SHROOM3: variants seen among roughly 807,000 people sequenced by gnomAD.
The protein encoded by SHROOM3 is shroom family member 3.
In SHROOM3, 47 loss-of-function variants were observed where a neutral mutation model predicts 138.6. The observed-to-expected ratio is 0.34, with a 90% confidence interval of 0.27 to 0.43. The LOEUF (loss-of-function observed/expected upper bound fraction) is 0.43, where lower values mean the gene tolerates loss of function less well. SHROOM3 is among the 20% of genes least tolerant of loss of function. SHROOM3 has a pLI of 1.00. For synonymous variants in SHROOM3, 1,062 were observed against 1,063.3 expected (o/e 1.00, Z 0.02); for missense variants, 2,491 against 2,596.5 (o/e 0.96, Z 0.88).
chr4:76,633,347 A>AG (rs1735385278), intron 2 of SHROOM3, among the ~76,000 whole-genome samples: 1 of 150,312 alleles, frequency 6.7e-6, no homozygotes, highest in African/African-American at 2.5e-5. Context: ...AAAAAAAAAA[A>AG]AAAAAAGAAA....
intron 5 of SHROOM3, among the ~76,000 whole-genome samples, chr4:76,748,036 T>C (rs534756939): frequency 6.6e-6 from 1 of 152,372 alleles, no homozygotes; most frequent in East Asian, 1.9e-4. Context: ...ATATAATTTG[T>C]TGGTGCAAGG....
In SHROOM3 at chr4:76,480,793, A is replaced by G. The variant is rs1297563613; in HGVS notation, c.168+44573A>G. ...ATCATAACAAACAATCTCTCAGACC[A>G]TAGTGCAATCAAACTAGAACTCAGG... On this transcript the variant is annotated intron_variant, in intron 1 of 10. Transcript: ENST00000296043. Among the ~76,000 whole-genome samples the G allele has an allele frequency of 3.3e-5, 5 of 152,248 alleles. 1 individual carries two copies. Among genetic ancestry groups the G allele is most frequent in the Admixed American group, 2.6e-4 (4 of 15,284 alleles).
intron 1 of SHROOM3, among the ~76,000 whole-genome samples, chr4:76,551,876 T>C (rs1733360892): frequency 6.6e-6 from 1 of 151,730 alleles, no homozygotes; most frequent in Admixed American, 6.6e-5. Flanking sequence ...TATTATTTTT[T>C]TTTGAGACAG....
intron 1 of SHROOM3, among the ~76,000 whole-genome samples, chr4:76,447,229 G>T (rs1256667080): frequency 6.6e-6 from 1 of 152,150 alleles, no homozygotes; most frequent in Admixed American, 6.5e-5. Context: ...GTGGAAATAA[G>T]CATTCTTCAG....
At chr4:76,598,951 T>C (rs10428497) in intron 2 of SHROOM3, among the ~76,000 whole-genome samples, 27,713 of 151,810 alleles carry the variant, frequency 0.18, 2,700 homozygotes, top group East Asian at 0.27. Context: ...CTGCTCCAGG[T>C]GAAAAATAAT....
At chr4:76,753,662 T>A (rs1721705215) in intron 6 of SHROOM3, among the ~76,000 whole-genome samples, 2 of 152,230 alleles carry the variant, frequency 1.3e-5, no homozygotes, top group Non-Finnish European at 1.5e-5. Flanking sequence ...GAGTCTAGCG[T>A]ACAGTTGTTT....
chr4:76,740,995 T>G lies in SHROOM3; in HGVS notation c.2822T>G (p.Phe941Cys). Residue 941 changes from phenylalanine (F) to cysteine (C), a missense_variant, in exon 5 of 11, where the codon TTT (phenylalanine) becomes TGT (cysteine). Physicochemically the swap from Phe to Cys is radical, Grantham distance 205. Around this residue, in one of 4 missense-constraint regions of SHROOM3, gnomAD observed 1,733 missense variants for 1,661.6 expected, o/e 1.04. Coordinates refer to ENST00000296043, the MANE Select transcript of SHROOM3 (RefSeq NM_020859.4). This position sits in a 1 kb window ranked among gnomAD's most constrained non-coding sequence, Gnocchi z 4.0. The stretch of plus-strand genomic sequence containing the variant: ...TCCCGTGTCTTGGGGGCCACCTCCT[T>G]TCGACGTCGAGACCTGGAGCTGGGG... ...AQSRVLGATS[F>C]RRRDLELGAP... is the part of the protein sequence containing the mutation. 1 of 1,489,064 alleles carries G rather than the reference T, an allele frequency of 6.7e-7. No homozygotes were observed. The highest frequency in any genetic ancestry group is 8.9e-7 in the Non-Finnish European group (1 of 1,123,514). The allele number at this position is 1,489,064 out of a possible 1,614,324, so 92.2% of individuals were successfully genotyped here. A position where few individuals can be genotyped will look rare whatever the true frequency, so the allele number is the denominator to read the frequency against.
intron 10 of SHROOM3, among the ~76,000 whole-genome samples, chr4:76,775,559 G>T (rs923760672): frequency 6.6e-6 from 1 of 151,792 alleles, no homozygotes; most frequent in Non-Finnish European, 1.5e-5. Context: ...CTATCCAGAG[G>T]AAAGAAGTAA....
intron 2 of SHROOM3, among the ~76,000 whole-genome samples, chr4:76,654,583 C>G (rs556021097): frequency 2.0e-5 from 3 of 152,018 alleles, no homozygotes; most frequent in Non-Finnish European, 2.9e-5. Context: ...AGAGTGAAAG[C>G]AGGGAGACAA....
At chr4:76,662,884 G>A (rs1718575105) in intron 2 of SHROOM3, among the ~76,000 whole-genome samples, 1 of 151,776 alleles carries the variant, frequency 6.6e-6, no homozygotes, top group Non-Finnish European at 1.5e-5. Flanking sequence ...CCTATCTGAG[G>A]GAGAGGGAGA....
intron 1 of SHROOM3, among the ~76,000 whole-genome samples, chr4:76,473,133 A>G (rs902870068): frequency 6.6e-6 from 1 of 152,266 alleles, no homozygotes; most frequent in African/African-American, 2.4e-5. Context: ...CAGTAAGAAA[A>G]AAAGCACAAG....
At position 76,664,060 on chromosome 4, in the gene SHROOM3, C is replaced by A. The variant is rs1718616059; in HGVS notation, c.324-46096C>A. 6.6e-6 allele frequency among the ~76,000 whole-genome samples: 1 copy of A among 152,146 alleles called. No individual in the cohort carries two copies. The highest frequency in any genetic ancestry group is 6.6e-5 in the Admixed American group (1 of 15,266). On this transcript the variant is annotated intron_variant, in intron 2 of 10. Coordinates refer to ENST00000296043, the MANE Select transcript of SHROOM3 (RefSeq NM_020859.4). This position sits in a 1 kb window ranked among gnomAD's most constrained non-coding sequence, Gnocchi z 4.2. ...TTTCCTGGCAGTTGAAAATAATAAA[C>A]CAGATTTTCAAAGTGGGTGAACTAC...
rs1436865035 is a variant in SHROOM3, at chr4:76,781,501, A to G, written c.*2324A>G. 2.0e-5 allele frequency: 3 copies of G among 152,214 alleles called. No individual in the cohort carries two copies. Among genetic ancestry groups the G allele is most frequent in the African/African-American group, 7.2e-5 (3 of 41,468 alleles). 9.4% of individuals were successfully genotyped at this position (152,214 alleles called of 1,614,324 possible). A position where few individuals can be genotyped will look rare whatever the true frequency, so the allele number is the denominator to read the frequency against. On this transcript the variant is annotated 3_prime_UTR_variant, in exon 11 of 11. Transcript: ENST00000296043. ...AACAGGCAATGCTGCTTGGCATGCC[A>G]CAAACATCTGAAAGCTTGTGACACT...
intron 4 of SHROOM3, among the ~76,000 whole-genome samples, chr4:76,737,416 G>T (rs1490953557): frequency 6.6e-6 from 1 of 152,112 alleles, no homozygotes; most frequent in Non-Finnish European, 1.5e-5. Flanking sequence ...GTGTGGACGT[G>T]AGTTTTCAGT....
intron 1 of SHROOM3, among the ~76,000 whole-genome samples, chr4:76,470,601 G>A (rs1731349255): frequency 6.6e-6 from 1 of 152,132 alleles, no homozygotes; most frequent in Non-Finnish European, 1.5e-5. Flanking sequence ...TTACAAAACA[G>A]TCTCTGGAAC....
intron 2 of SHROOM3, among the ~76,000 whole-genome samples, chr4:76,648,670 T>C (rs1274067228): frequency 6.6e-6 from 1 of 152,182 alleles, no homozygotes; most frequent in African/African-American, 2.4e-5. Context: ...TTTGTATCAC[T>C]AGAAAAAATG....
chr4:76,542,234 C>T (rs1733120236), intron 1 of SHROOM3, among the ~76,000 whole-genome samples: 1 of 152,184 alleles, frequency 6.6e-6, no homozygotes, highest in Admixed American at 6.5e-5. Flanking sequence ...CAGTAGGTGC[C>T]ATTATCCTCA....
At chr4:76,454,160 C>T (rs1730981239) in intron 1 of SHROOM3, among the ~76,000 whole-genome samples, 1 of 152,190 alleles carries the variant, frequency 6.6e-6, no homozygotes, top group South Asian at 2.1e-4. Flanking sequence ...TCTCCTGCCT[C>T]AGCCTCCTGA....
intron 2 of SHROOM3, among the ~76,000 whole-genome samples, chr4:76,609,903 A>C (rs1358387318): frequency 6.6e-6 from 1 of 152,228 alleles, no homozygotes; most frequent in Non-Finnish European, 1.5e-5. Flanking sequence ...GCTCGAGTTT[A>C]GATTTTCAAA....
Sources: allele counts gnomAD v4.1 joint callset (sites outside exome capture counted in the v4.1 genomes callset), GRCh38; gene constraint gnomAD v4.1.1; regional missense constraint gnomAD v4.1.1; non-coding constraint Gnocchi (gnomAD v3.1); transcripts MANE v1.5; gene names NCBI Gene and HGNC (gene_info 2026-07-23, HGNC 2026-07-21).